The following TTN variants were observed in gnomAD, a reference collection of about 807,000 sequenced individuals.
The protein encoded by TTN is titin.
In TTN, 1,525 loss-of-function variants were observed where a neutral mutation model predicts 3,223.0. That is an observed-to-expected ratio of 0.47 (90% confidence interval 0.45 to 0.49). TTN has a LOEUF of 0.49. Ranked by LOEUF, TTN falls within the 20% of genes least tolerant of loss-of-function variation. The pLI is 0.00. For synonymous variants in TTN, 14,094 were observed against 15,161.0 expected (o/e 0.93, Z 5.17); for missense variants, 40,786 against 43,424.0 (o/e 0.94, Z 5.40).
chr2:178,699,724 T>A lies in TTN; in HGVS notation c.30683-810A>T, dbSNP rs1437285400. On this transcript the variant is annotated intron_variant, in intron 111 of 362. Transcript: ENST00000589042. ...CCGCGCCCAGCCCACTCTTTTTTAA[T>A]TTTTTTTTTTTTTTTTTTTTGAGAC... is the stretch of plus-strand genomic sequence containing the variant. Among the ~76,000 whole-genome samples, 4 of 3,462 alleles carry A rather than the reference T, an allele frequency of 1.2e-3. No homozygotes were observed. The Non-Finnish European group carries it at 0.012, about 10-fold the overall frequency. The allele number at this position is 3,462 out of a possible 152,430, so 2.3% of individuals were successfully genotyped here. A position where few individuals can be genotyped will look rare whatever the true frequency, so the allele number is the denominator to read the frequency against.
rs2092878127 is a variant in TTN, at chr2:178,782,608, A to G, written c.3101-6T>C. On this transcript the variant is annotated splice_polypyrimidine_tract_variant and splice_region_variant and intron_variant, in intron 18 of 362. Transcript: ENST00000589042. ...CTTTTCAAATTCTTCTGACACTAAAAGAAGACAAAAGTTTCTCATTGAGAT... is the reference window on the plus strand; with the variant it reads ...CTTTTCAAATTCTTCTGACACTAAAGGAAGACAAAAGTTTCTCATTGAGAT... 6.2e-7 allele frequency: 1 copy of G among 1,613,704 alleles called. No homozygotes were observed. The highest frequency in any genetic ancestry group is 8.5e-7 in the Non-Finnish European group (1 of 1,179,872).
Position 178,570,477 on chromosome 2 carries a change from C to T in TTN, c.75655G>A (p.Ala25219Thr). The change falls in exon 326 of 363, where the codon GCA becomes ACA. Residue 25219 changes from alanine to threonine, a missense_variant. Coordinates refer to ENST00000589042, the MANE Select transcript of TTN (RefSeq NM_001267550.2). ...TTCCAAGCTAGTGTGCATTTTTCTG[C>T]TGTAACTCCTGAGATAACAACAGGT... Reference protein sequence around the residue: ...EGPVVISGVTAEKCTLAWKPP... With the variant: ...EGPVVISGVTTEKCTLAWKPP... The T allele has an allele frequency of 1.2e-6, 2 of 1,613,262 alleles. No individual in the cohort carries two copies. The highest frequency in any genetic ancestry group is 1.7e-6 in the Non-Finnish European group (2 of 1,179,560).
intron 288 of TTN, 63 bp downstream of exon 288, chr2:178,600,791 T>C: frequency 6.3e-6 from 10 of 1,591,286 alleles, no homozygotes; most frequent in Non-Finnish European, 8.6e-6. Context: ...TTGTGAACTA[T>C]TATTGAACAC....
At chr2:178,783,565 T>C (rs1443933161) in intron 17 of TTN, among the ~76,000 whole-genome samples, 155 bp downstream of exon 17, 1 of 152,228 alleles carries the variant, frequency 6.6e-6, no homozygotes, top group Non-Finnish European at 1.5e-5. Flanking sequence ...TGGTCAAATA[T>C]GGTCTTCCAG....
chr2:178,636,631 A>G lies in TTN; in HGVS notation c.41096T>C (p.Phe13699Ser). 1.2e-6 allele frequency: 2 copies of G among 1,613,402 alleles called. No homozygotes were observed. The highest frequency in any genetic ancestry group is 1.7e-6 in the Non-Finnish European group (2 of 1,179,578). Reference protein sequence around the residue: ...IKDIILTESEFVGSSAIFECL... With the variant: ...IKDIILTESESVGSSAIFECL... ...TTCAAAGATTGCTGAAGAGCCAACG[A>G]ACTCTGATTCTGTCAAGATGATGTC... The change falls in exon 225 of 363, where the codon TTC (phenylalanine) becomes TCC (serine). Residue 13699 changes from phenylalanine (F) to serine (S), a missense_variant. Phe to Ser is a radical substitution (Grantham distance 155). Transcript: ENST00000589042. The surrounding 1 kb of genome is among the most constrained non-coding windows in gnomAD (Gnocchi z 4.3).
chr2:178,573,199 G>A lies in TTN; in HGVS notation c.72933C>T (p.Thr24311=), dbSNP rs1237448326. Residue 24311 remains threonine (T), a synonymous_variant, in exon 326 of 363, where the codon ACC becomes ACT. Transcript: ENST00000589042. ...TGTCACAAGCCTTGTAAAATGGACT[G>A]GTAGGACTTGGTGCACTAATTCCAG... is the stretch of plus-strand genomic sequence containing the variant. ...NAAGISAPSP[T]SPFYKACDTV... is the part of the protein sequence containing the mutation. The A allele has an allele frequency of 1.9e-6, 3 of 1,608,052 alleles. No individual in the cohort carries two copies. Among genetic ancestry groups the A allele is most frequent in the East Asian group, 2.2e-5 (1 of 44,740 alleles).
At position 178,615,379 on chromosome 2, in the gene TTN, C is replaced by A; in HGVS notation, c.48566G>T (p.Gly16189Val). 1.2e-6 allele frequency: 2 copies of A among 1,612,610 alleles called. No homozygotes were observed. The highest frequency in any genetic ancestry group is 1.7e-6 in the Non-Finnish European group (2 of 1,179,060). The change falls in exon 259 of 363, where the codon GGA becomes GTA. Residue 16189 changes from glycine (G) to valine (V), a missense_variant. Coordinates refer to ENST00000589042, the MANE Select transcript of TTN (RefSeq NM_001267550.2). ...PKNDGGSRIK[G>V]YIVERCPRGS... ...ACGTGGACATCTTTCAACTATATATCCTTTGATGCGTGAACCACCATCATT... is the reference window on the plus strand; with the variant it reads ...ACGTGGACATCTTTCAACTATATATACTTTGATGCGTGAACCACCATCATT...
At position 178,632,132 on chromosome 2, in the gene TTN, T is replaced by G; in HGVS notation, c.43747+15A>C. The stretch of plus-strand genomic sequence containing the variant: ...GAATTTAATGCAGTAAAATTAAAAT[T>G]TAAAAAGCACTTACCAAGCACAGTG... On this transcript the variant is annotated intron_variant, in intron 236 of 362. Coordinates refer to ENST00000589042, the MANE Select transcript of TTN (RefSeq NM_001267550.2). 1 of 1,556,288 alleles carries G rather than the reference T, an allele frequency of 6.4e-7. No homozygotes were observed. The highest frequency in any genetic ancestry group is 8.7e-7 in the Non-Finnish European group (1 of 1,152,744).
intron 197 of TTN, 52 bp downstream of exon 197, chr2:178,653,375 T>C: frequency 6.2e-7 from 1 of 1,608,372 alleles, no homozygotes. Flanking sequence ...ACTAGCAAAA[T>C]ATACAGCAGA....
Position 178,543,203 on chromosome 2 carries a change from G to A in TTN, c.96770C>T (p.Pro32257Leu). 6.2e-7 allele frequency: 1 copy of A among 1,613,662 alleles called. No homozygotes were observed. The highest frequency in any genetic ancestry group is 8.5e-7 in the Non-Finnish European group (1 of 1,179,748). Residue 32257 changes from proline to leucine, a missense_variant, in exon 347 of 363, where the codon CCC becomes CTC. By Grantham distance (98) the Pro-to-Leu change is moderately conservative (BLOSUM62 -3). Transcript: ENST00000589042. ...AGTAACAGTGTGCTCTAGGACTGTGGGTTTTAAGGTGACAACCTTCATCCA... is the reference window on the plus strand; with the variant it reads ...AGTAACAGTGTGCTCTAGGACTGTGAGTTTTAAGGTGACAACCTTCATCCA... The part of the protein sequence containing the change: ...ERWMKVVTLK[P>L]TVLEHTVTSL...
At chr2:178,783,685 G>C in intron 17 of TTN, 35 bp downstream of exon 17, 1 of 1,554,888 alleles carries the variant, frequency 6.4e-7, no homozygotes, top group Non-Finnish European at 8.9e-7. Flanking sequence ...GAGGAGATAT[G>C]AATAGGGTCC....
At chr2:178,727,542 A>G (rs377038269) in intron 68 of TTN, 43 bp downstream of exon 68, 93 of 1,525,624 alleles carry the variant, frequency 6.1e-5, no homozygotes, top group Non-Finnish European at 7.3e-5. Flanking sequence ...AGAGAACCAA[A>G]GACACAGTCA....
In TTN at chr2:178,576,491, C is replaced by G; in HGVS notation, c.69715+38G>C. 11 of 1,600,828 alleles carry G rather than the reference C, an allele frequency of 6.9e-6. No homozygotes were observed. Among genetic ancestry groups the G allele is most frequent in the Non-Finnish European group, 9.3e-6 (11 of 1,176,694 alleles). ...GGGTAATTTAGATAAAATATTGGCACTCTGGAATGAACGGTGTTGAAAAAG... is the reference window on the plus strand; with the variant it reads ...GGGTAATTTAGATAAAATATTGGCAGTCTGGAATGAACGGTGTTGAAAAAG... On this transcript the variant is annotated intron_variant, in intron 325 of 362. Coordinates refer to ENST00000589042, the MANE Select transcript of TTN (RefSeq NM_001267550.2). The surrounding 1 kb of genome is among the most constrained non-coding windows in gnomAD (Gnocchi z 4.3).
chr2:178,602,796 C>CT lies in TTN; in HGVS notation c.54812-207_54812-206insA, dbSNP rs1651516401. ...AGCATTAATGCAAAAACAGAGAAAG[C>CT]AAACAACTAACTGGGAATAGAAAGA... On this transcript the variant is annotated intron_variant, in intron 282 of 362. Transcript: ENST00000589042. 2.0e-5 allele frequency among the ~76,000 whole-genome samples: 3 copies of CT among 151,904 alleles called. No individual in the cohort carries two copies. In the South Asian group the frequency reaches 6.2e-4, roughly 32 times the overall value.
intron 47 of TTN, chr2:178,747,629 C>T: frequency 6.2e-7 from 1 of 1,613,274 alleles, no homozygotes; most frequent in Non-Finnish European, 8.5e-7. Flanking sequence ...TGCCTGGTCT[C>T]TGGTGTCTTT....
intron 168 of TTN, among the ~76,000 whole-genome samples, 153 bp downstream of exon 168, chr2:178,664,307 T>C (rs2065460617): frequency 6.6e-6 from 1 of 152,060 alleles, no homozygotes; most frequent in Non-Finnish European, 1.5e-5. Flanking sequence ...CTTCAGGCAG[T>C]TTGAAGATAT....
chr2:178,749,255 A>G, intron 47 of TTN: 1 of 1,611,806 alleles, frequency 6.2e-7, no homozygotes, highest in East Asian at 2.2e-5. Context: ...ATCATCAACA[A>G]ATGGATAAAC....
In TTN at chr2:178,746,866, G is replaced by A. The variant is rs780280552; in HGVS notation, c.11312-4945C>T. 4.3e-6 allele frequency: 7 copies of A among 1,613,470 alleles called. No individual in the cohort carries two copies. In the South Asian group the frequency reaches 7.7e-5, roughly 18 times the overall value. On this transcript the variant is annotated intron_variant, in intron 47 of 362. Coordinates refer to ENST00000589042, the MANE Select transcript of TTN (RefSeq NM_001267550.2). ...CAATAAAAGATGGAGGCATTTCATT[G>A]TCTTTTGGCTCAATGGCTTCATTGG...
Position 178,725,925 on chromosome 2 carries a change from C to T in TTN, c.20397G>A (p.Arg6799=), listed in dbSNP as rs376573256. ...PFEVVWYKDK[R]QLRSSKKYKI... ...TGTATTTCTTGCTGCTTCTGAGTTG[C>T]CGCTTGTCTTTGTACCATACCACCT... is the stretch of plus-strand genomic sequence containing the variant. The change falls in exon 70 of 363, where the codon CGG becomes CGA. Residue 6799 remains arginine, a synonymous_variant. Transcript: ENST00000589042. 2.7e-5 allele frequency: 44 copies of T among 1,612,874 alleles called. No individual in the cohort carries two copies. The highest frequency in any genetic ancestry group is 1.7e-5 in the Admixed American group (1 of 59,868).
Sources: allele counts gnomAD v4.1 joint callset (sites outside exome capture counted in the v4.1 genomes callset), GRCh38; gene constraint gnomAD v4.1.1; non-coding constraint Gnocchi (gnomAD v3.1); transcripts MANE v1.5; gene names NCBI Gene and HGNC (gene_info 2026-07-23, HGNC 2026-07-21).